Variants in UTRN observed in about 807,000 individuals in gnomAD.
UTRN encodes the protein utrophin.
A neutral mutation model predicts 463.9 loss-of-function variants in UTRN; 283 were observed. That is an observed-to-expected ratio of 0.61 (90% CI 0.55 to 0.67). The LOEUF (loss-of-function observed/expected upper bound fraction) is 0.67, where lower values mean the gene tolerates loss of function less well. UTRN is among the 30% of genes least tolerant of loss of function. The pLI is 0.00. For missense variants in UTRN, 3,922 were observed against 4,084.3 expected, an observed-to-expected ratio of 0.96 and a Z score of 1.08; for synonymous variants, 1,442 against 1,431.5, an observed-to-expected ratio of 1.01 and a Z score of -0.17.
At chr6:144,444,757 C>G (rs1787499836) in intron 14 of UTRN, among the ~76,000 whole-genome samples, 2 of 152,192 alleles carry the variant, frequency 1.3e-5, no homozygotes, top group Non-Finnish European at 2.9e-5. Flanking sequence ...AATGAATCCA[C>G]TCAACACACT....
At chr6:144,371,991 A>T (rs544674187) in intron 2 of UTRN, among the ~76,000 whole-genome samples, 1 of 152,346 alleles carries the variant, frequency 6.6e-6, no homozygotes, top group East Asian at 1.9e-4. Flanking sequence ...ACATAACTCA[A>T]TAAGAAAGAA....
chr6:144,495,636 G>A (rs1266601319), intron 33 of UTRN, among the ~76,000 whole-genome samples: 1 of 152,264 alleles, frequency 6.6e-6, no homozygotes, highest in African/African-American at 2.4e-5. Flanking sequence ...TGCCAAAGTG[G>A]GAGCCCAGGC....
At chr6:144,396,169 C>T (rs1782391104) in intron 2 of UTRN, among the ~76,000 whole-genome samples, 1 of 152,066 alleles carries the variant, frequency 6.6e-6, no homozygotes, top group African/African-American at 2.4e-5. Context: ...GTAGTTTATA[C>T]ACACAATGGA....
At chr6:144,346,249 C>T (rs1044455425) in intron 2 of UTRN, among the ~76,000 whole-genome samples, 3 of 151,944 alleles carry the variant, frequency 2.0e-5, no homozygotes, top group African/African-American at 7.3e-5. Flanking sequence ...TATTTAAATG[C>T]TGTGCTGGTT....
chr6:144,478,259 TTAAAGA>T (rs1412102030), intron 25 of UTRN, among the ~76,000 whole-genome samples: 2 of 152,172 alleles, frequency 1.3e-5, no homozygotes, highest in African/African-American at 2.4e-5. Context: ...CTCAGGATAA[TTAAAGA>T]TAATTTTGAG....
chr6:144,733,974 CAAT>C (rs1789068160), intron 54 of UTRN, among the ~76,000 whole-genome samples: 1 of 152,044 alleles, frequency 6.6e-6, no homozygotes, highest in African/African-American at 2.4e-5. Flanking sequence ...ATCAGGTACT[CAAT>C]AAAAGTTTGA....
chr6:144,356,195 T>C (rs778813949), intron 2 of UTRN, among the ~76,000 whole-genome samples: 2 of 152,250 alleles, frequency 1.3e-5, no homozygotes, highest in African/African-American at 2.4e-5. Flanking sequence ...AGATATGATA[T>C]TTGTTTTAAT....
intron 30 of UTRN, 24 bp from the exon 31 acceptor site, chr6:144,490,047 C>T: frequency 6.3e-7 from 1 of 1,599,210 alleles, no homozygotes; most frequent in Non-Finnish European, 8.5e-7. Context: ...AGGACATCCT[C>T]TCCCCTTTCC....
chr6:144,378,515 T>C (rs1173325867), intron 2 of UTRN, among the ~76,000 whole-genome samples: 1 of 152,206 alleles, frequency 6.6e-6, no homozygotes, highest in East Asian at 1.9e-4. Context: ...TGTTTAAAAT[T>C]AAACCTGCAA....
chr6:144,846,995 G>A (rs1782077709), intron 74 of UTRN, among the ~76,000 whole-genome samples, 168 bp downstream of exon 74: 1 of 152,172 alleles, frequency 6.6e-6, no homozygotes, highest in Non-Finnish European at 1.5e-5. Context: ...TCTGGGAGTG[G>A]GGGGTGGCTC....
Position 144,599,536 on chromosome 6 carries a change from A to G in UTRN, c.7479+22248A>G, listed in dbSNP as rs62427177. Among the ~76,000 whole-genome samples the G allele has an allele frequency of 3.8e-3, 581 of 152,318 alleles. 3 individuals are homozygous for G. The highest frequency in any genetic ancestry group is 6.1e-3 in the Non-Finnish European group (414 of 68,020). On this transcript the variant is annotated intron_variant, in intron 51 of 74. Coordinates refer to ENST00000367545, the MANE Select transcript of UTRN (RefSeq NM_007124.3). ...TTTTAGAAAAACCTCTGAATGTCAA[A>G]GAAGTATAATGACAGCTTGAATATG...
intron 9 of UTRN, among the ~76,000 whole-genome samples, chr6:144,430,265 A>T (rs1355874017): frequency 2.6e-5 from 4 of 152,124 alleles, no homozygotes; most frequent in African/African-American, 9.7e-5. Flanking sequence ...GATTACGATG[A>T]TTTCATTCAT....
chr6:144,319,424 G>A (rs9321969), intron 2 of UTRN, among the ~76,000 whole-genome samples: 20,824 of 152,092 alleles, frequency 0.14, 4,218 homozygotes, highest in African/African-American at 0.44. Flanking sequence ...ATTGTTTCTC[G>A]GAATAACTTG....
intron 34 of UTRN, among the ~76,000 whole-genome samples, chr6:144,505,621 T>A (rs143555955): frequency 1.5e-3 from 233 of 152,304 alleles, no homozygotes; most frequent in African/African-American, 5.2e-3. Flanking sequence ...TGAGAGACTG[T>A]TTGTTACGAT....
intron 19 of UTRN, 91 bp from the exon 20 acceptor site, chr6:144,458,679 C>A: frequency 1.4e-6 from 2 of 1,419,210 alleles, no homozygotes; most frequent in Non-Finnish European, 1.9e-6. Flanking sequence ...GTGACATTGC[C>A]TCACTATTCT....
chr6:144,290,308 T>C (rs2473130), intron 1 of UTRN, among the ~76,000 whole-genome samples: 14,037 of 152,286 alleles, frequency 0.092, 655 homozygotes, highest in African/African-American at 0.11. Context: ...TTACATTTCA[T>C]TGTCATGTCT....
intron 50 of UTRN, among the ~76,000 whole-genome samples, chr6:144,574,194 G>GAGGA (rs1801212294): frequency 6.6e-6 from 1 of 152,208 alleles, no homozygotes; most frequent in South Asian, 2.1e-4. Flanking sequence ...TAAAGTTTGA[G>GAGGA]AAGTAAACTG....
At chr6:144,695,548 T>G (rs1335312281) in intron 52 of UTRN, among the ~76,000 whole-genome samples, 1 of 152,182 alleles carries the variant, frequency 6.6e-6, no homozygotes, top group African/African-American at 2.4e-5. Flanking sequence ...TTTCACCGTG[T>G]TGGCCAGGCT....
chr6:144,476,300 G>T (rs1431471246), intron 25 of UTRN, among the ~76,000 whole-genome samples: 3 of 151,790 alleles, frequency 2.0e-5, no homozygotes, highest in Admixed American at 6.6e-5. Context: ...AGGCAGGAAT[G>T]AAAACAGAAA....
Sources: gnomAD v4.1 joint callset for allele counts (sites outside exome capture counted in the v4.1 genomes callset) on GRCh38, gnomAD v4.1.1 for gene constraint, MANE v1.5 for transcripts, NCBI Gene and HGNC (gene_info 2026-07-23, HGNC 2026-07-21) for gene names.